The following NFIA variants were observed in gnomAD, a reference collection of about 807,000 sequenced individuals.
The protein encoded by NFIA is nuclear factor 1 A-type.
In NFIA, 8 loss-of-function variants were observed where a neutral mutation model predicts 62.8. That is an observed-to-expected ratio of 0.13 (90% CI 0.07 to 0.23). NFIA has a LOEUF of 0.23. Among genes scored for constraint, NFIA ranks in the 10% least tolerant of loss-of-function variants. The probability of loss-of-function intolerance (pLI) is 1.00; values close to 1 mark genes in which losing one functional copy is unlikely to be tolerated. For synonymous variants in NFIA, 235 were observed against 238.1 expected (o/e 0.99, Z 0.12); for missense variants, 410 against 642.1 (o/e 0.64, Z 3.91).
intron 2 of NFIA, among the ~76,000 whole-genome samples, chr1:61,203,958 T>A (rs1374380985): frequency 6.6e-6 from 1 of 152,028 alleles, no homozygotes; most frequent in Non-Finnish European, 1.5e-5. Flanking sequence ...GGGCAGATAT[T>A]TAGGTGTGTG....
chr1:61,192,140 A>T (rs1189645330), intron 2 of NFIA, among the ~76,000 whole-genome samples: 1 of 151,894 alleles, frequency 6.6e-6, no homozygotes, highest in East Asian at 1.9e-4. Flanking sequence ...TTGTATTTCT[A>T]GTAGACATGG....
intron 2 of NFIA, among the ~76,000 whole-genome samples, chr1:61,243,180 A>G (rs1232186105): frequency 1.3e-5 from 2 of 152,166 alleles, no homozygotes; most frequent in African/African-American, 4.8e-5. Flanking sequence ...TGAACTCTGT[A>G]TCCTTCAGCG....
chr1:61,106,151 C>CAT (rs942153921), intron 2 of NFIA, among the ~76,000 whole-genome samples: 1 of 142,018 alleles, frequency 7.0e-6, no homozygotes, highest in Non-Finnish European at 1.5e-5. Flanking sequence ...CTGATTTATT[C>CAT]ATATATATAT....
intron 2 of NFIA, among the ~76,000 whole-genome samples, chr1:61,267,045 C>T (rs562801037): frequency 2.6e-5 from 4 of 152,122 alleles, no homozygotes; most frequent in East Asian, 1.9e-4. Context: ...GGACTCAAAC[C>T]CAGGTTTTCT....
At chr1:61,082,256 G>A (rs1033830854), upstream of NFIA, 2 of 489,382 alleles carry the variant, frequency 4.1e-6, no homozygotes, top group African/African-American at 2.1e-5. Context: ...CGAGCAAGGA[G>A]CGAGCCACGG....
intron 2 of NFIA, among the ~76,000 whole-genome samples, chr1:61,109,989 C>T (rs1646667977): frequency 6.6e-6 from 1 of 151,846 alleles, no homozygotes; most frequent in Non-Finnish European, 1.5e-5. Context: ...AATGTATAGC[C>T]TTTAATATTC....
chr1:61,357,024 G>A (rs1040211931), intron 5 of NFIA, among the ~76,000 whole-genome samples: 1 of 152,194 alleles, frequency 6.6e-6, no homozygotes, highest in Non-Finnish European at 1.5e-5. Flanking sequence ...GTCATTCCCT[G>A]TTTAGATTAT....
intron 2 of NFIA, among the ~76,000 whole-genome samples, chr1:61,268,681 G>A (rs1657323996): frequency 6.6e-6 from 1 of 152,134 alleles, no homozygotes. Flanking sequence ...GTTTGCTGAG[G>A]GGTGAGAGAA....
At chr1:61,347,998 G>T (rs1261166895) in intron 4 of NFIA, among the ~76,000 whole-genome samples, 1 of 152,162 alleles carries the variant, frequency 6.6e-6, no homozygotes, top group Non-Finnish European at 1.5e-5. Flanking sequence ...ATGAAATTAA[G>T]TACAGTAAGT....
chr1:61,406,093 AAATT>A (rs1218012825), intron 8 of NFIA, among the ~76,000 whole-genome samples: 1 of 152,198 alleles, frequency 6.6e-6, no homozygotes, highest in Non-Finnish European at 1.5e-5. Flanking sequence ...ATATTTAGGA[AAATT>A]TATTCTATCT....
At chr1:61,181,094 G>A (rs992641807) in intron 2 of NFIA, among the ~76,000 whole-genome samples, 1 of 152,222 alleles carries the variant, frequency 6.6e-6, no homozygotes, top group East Asian at 1.9e-4. Context: ...TAATATGACT[G>A]CCTCCCTTAC....
chr1:61,227,420 G>A (rs961499768), intron 2 of NFIA, among the ~76,000 whole-genome samples: 2 of 152,164 alleles, frequency 1.3e-5, no homozygotes, highest in African/African-American at 4.8e-5. Context: ...ATTTGATGAT[G>A]GGATCTTGAA....
intron 2 of NFIA, among the ~76,000 whole-genome samples, chr1:61,200,272 G>T (rs1208662931): frequency 6.6e-6 from 1 of 151,346 alleles, no homozygotes; most frequent in African/African-American, 2.4e-5. Context: ...ACCGCTCAGT[G>T]CCTCAGTTTC....
chr1:61,292,480 G>A (rs1658953033), intron 3 of NFIA, among the ~76,000 whole-genome samples: 1 of 152,112 alleles, frequency 6.6e-6, no homozygotes, highest in Admixed American at 6.6e-5. Flanking sequence ...GTGCCAGGCA[G>A]TGGGCATATC....
intron 2 of NFIA, among the ~76,000 whole-genome samples, chr1:61,226,862 A>G (rs1171701204): frequency 1.3e-5 from 2 of 152,182 alleles, no homozygotes; most frequent in Non-Finnish European, 2.9e-5. Flanking sequence ...CTGGCTGTGC[A>G]TTCAGCCAAG....
At chr1:61,203,611 C>T (rs1176671319) in intron 2 of NFIA, among the ~76,000 whole-genome samples, 1 of 152,112 alleles carries the variant, frequency 6.6e-6, no homozygotes, top group Non-Finnish European at 1.5e-5. Context: ...TAGCCTTCTT[C>T]CTCTCCCTTC....
chr1:61,236,514 A>C (rs908335489), intron 2 of NFIA, among the ~76,000 whole-genome samples: 1 of 152,188 alleles, frequency 6.6e-6, no homozygotes, highest in Admixed American at 6.5e-5. Context: ...AAAATACTAC[A>C]CAGAGAAAGA....
chr1:61,362,664 T>C (rs1193510558), intron 6 of NFIA, among the ~76,000 whole-genome samples: 1 of 152,230 alleles, frequency 6.6e-6, no homozygotes, highest in Non-Finnish European at 1.5e-5. Context: ...ACAGCTCTTA[T>C]TATCTGGGAA....
At position 61,363,470 on chromosome 1, in the gene NFIA, G is replaced by A. The variant is rs180887631; in HGVS notation, c.946+4196G>A. Among the ~76,000 whole-genome samples, 391 of 152,154 alleles carry A rather than the reference G, an allele frequency of 2.6e-3. 2 individuals are homozygous for A. The highest frequency in any genetic ancestry group is 9.1e-3 in the African/African-American group (376 of 41,502). On this transcript the variant is annotated intron_variant, in intron 6 of 10. Transcript: ENST00000403491. Reference sequence around the variant, plus strand: ...AAATACAAAATTAGCTGCGCATGGTGCTGCATGCCTATAATCCCAGCTACT... The same window carrying A: ...AAATACAAAATTAGCTGCGCATGGTACTGCATGCCTATAATCCCAGCTACT...
Sources: gnomAD v4.1 joint callset for allele counts (sites outside exome capture counted in the v4.1 genomes callset) on GRCh38, gnomAD v4.1.1 for gene constraint, MANE v1.5 for transcripts, NCBI Gene and HGNC (gene_info 2026-07-23, HGNC 2026-07-21) for gene names.